The following ZNF682 variants were observed in gnomAD, a reference collection of about 807,000 sequenced individuals.
ZNF682 encodes zinc finger protein 682.
Under a neutral mutation model 36.5 loss-of-function variants are expected in ZNF682, and 29 were observed. The ratio of observed to expected loss-of-function variants is 0.80; its 90% CI spans 0.59 to 1.08. ZNF682 has a LOEUF of 1.08. ZNF682 is among the 50% of genes least tolerant of loss of function. The pLI is 0.00. For synonymous variants in ZNF682, 180 were observed against 197.0 expected, an observed-to-expected ratio of 0.91 and a Z score of 0.72; for missense variants, 561 against 579.7, an observed-to-expected ratio of 0.97 and a Z score of 0.33.
chr19:20,028,499 A>T (rs1568545874), intron 1 of ZNF682, among the ~76,000 whole-genome samples: 6 of 152,094 alleles, frequency 3.9e-5, no homozygotes, highest in Admixed American at 2.6e-4. Flanking sequence ...GGTGTGAGTC[A>T]CCGTGCCCAG....
intron 1 of ZNF682, among the ~76,000 whole-genome samples, chr19:20,029,328 C>T (rs184711759): frequency 5.3e-5 from 8 of 150,826 alleles, no homozygotes; most frequent in South Asian, 4.2e-4. Context: ...AGGCCAGGCA[C>T]GGTGGCTCAT....
rs1260508580 is a variant in ZNF682 at position 20,006,043 on chromosome 19, C to T, written c.1459G>A (p.Gly487Arg). ...TTTGAGCAGTGATTAAAAGCTTCCC[C>T]ACATTTTTTATACTTGCAGGATTTC... ...GEKSCKYKKC[G>R]EAFNHCSNLT... The change falls in exon 4 of 4, where the codon GGG becomes AGG. Residue 487 changes from glycine (G) to arginine (R), a missense_variant. Transcript: ENST00000397165. The T allele has an allele frequency of 1.2e-6, 2 of 1,606,080 alleles. No individual in the cohort carries two copies. The highest frequency in any genetic ancestry group is 1.7e-6 in the Non-Finnish European group (2 of 1,175,178).
intron 3 of ZNF682, among the ~76,000 whole-genome samples, chr19:19,998,919 T>C (rs1366947661): frequency 6.6e-6 from 1 of 152,142 alleles, no homozygotes; most frequent in Non-Finnish European, 1.5e-5. Flanking sequence ...ATATATAATC[T>C]TGAGAGTTAT....
rs1350713261 is a variant in ZNF682 at position 20,039,172 on chromosome 19, C to T, written c.3+171G>A. ...GCCCAGGGTCCCGGCTGCTGGCCCACCTCGCATCCTGTGCCCGGAGGTGAT... is the reference window on the plus strand; with the variant it reads ...GCCCAGGGTCCCGGCTGCTGGCCCATCTCGCATCCTGTGCCCGGAGGTGAT... On this transcript the variant is annotated intron_variant, in intron 1 of 3. Coordinates refer to ENST00000397165, the MANE Select transcript of ZNF682 (RefSeq NM_033196.3). 21 of 1,393,310 alleles carry T rather than the reference C, an allele frequency of 1.5e-5. No individual in the cohort carries two copies. The African/African-American group carries it at 2.2e-4, about 15-fold the overall frequency. The allele number at this position is 1,393,310 out of a possible 1,614,324, so 86.3% of individuals were successfully genotyped here.
intron 1 of ZNF682, among the ~76,000 whole-genome samples, chr19:20,036,803 TAAAAAAAAAAG>T (rs200878513): frequency 6.8e-5 from 2 of 29,558 alleles, no homozygotes; most frequent in African/African-American, 1.6e-4. Context: ...GCTGTCTCTA[TAAAAAAAAAAG>T]AAAAAAAAAA....
intron 2 of ZNF682, among the ~76,000 whole-genome samples, 180 bp downstream of exon 2, chr19:20,024,070 T>C (rs796169102): frequency 2.0e-5 from 3 of 152,274 alleles, no homozygotes; most frequent in East Asian, 3.9e-4. Context: ...AGAAAGTTAA[T>C]GTAAACATAA....
intron 3 of ZNF682, among the ~76,000 whole-genome samples, chr19:20,012,273 A>G (rs776844014): frequency 1.3e-5 from 2 of 152,186 alleles, no homozygotes; most frequent in Non-Finnish European, 2.9e-5. Flanking sequence ...CAAGAAAACC[A>G]TTCAATTAAT....
At chr19:20,019,529 A>T (rs1265120727) in intron 3 of ZNF682, among the ~76,000 whole-genome samples, 1 of 152,180 alleles carries the variant, frequency 6.6e-6, no homozygotes, top group African/African-American at 2.4e-5. Context: ...ATAGAAGGAA[A>T]CTTACAGGAT....
intron 1 of ZNF682, chr19:20,030,592 T>C (rs188634210): frequency 6.6e-6 from 1 of 151,942 alleles, no homozygotes; most frequent in Non-Finnish European, 1.5e-5. Context: ...AAAGAAAAAA[T>C]AACTATAATA....
At chr19:20,022,460 G>A (rs1481406533) in intron 3 of ZNF682, among the ~76,000 whole-genome samples, 2 of 151,926 alleles carry the variant, frequency 1.3e-5, no homozygotes, top group Admixed American at 6.6e-5. Flanking sequence ...CTGAGGTCGT[G>A]GGTTCAAGAC....
chr19:20,039,156 C>G, intron 1 of ZNF682, 187 bp downstream of exon 1: 1 of 1,400,492 alleles, frequency 7.1e-7, no homozygotes, highest in African/African-American at 1.5e-5. Context: ...CGCCCAGGGT[C>G]CCGGCTGCTG....
chr19:20,019,313 A>C lies in ZNF682; in HGVS notation c.226+3691T>G, dbSNP rs1433497140. Among the ~76,000 whole-genome samples, 4 of 152,196 alleles carry C rather than the reference A, an allele frequency of 2.6e-5. No homozygotes were observed. The East Asian group carries it at 7.7e-4, about 29-fold the overall frequency. On this transcript the variant is annotated intron_variant, in intron 3 of 3. Coordinates refer to ENST00000397165, the MANE Select transcript of ZNF682 (RefSeq NM_033196.3). Reference sequence around the variant, plus strand: ...AGCCACTGGTAGGCAAAAATGATGCAACTACTGTAAAAAACATACTATGAA... The same window carrying C: ...AGCCACTGGTAGGCAAAAATGATGCCACTACTGTAAAAAACATACTATGAA...
At chr19:20,028,482 G>A (rs2088451864) in intron 1 of ZNF682, among the ~76,000 whole-genome samples, 1 of 152,142 alleles carries the variant, frequency 6.6e-6, no homozygotes, top group South Asian at 2.1e-4. Flanking sequence ...AAAGTGCTGG[G>A]ATTACAGGTG....
In ZNF682 at chr19:20,026,510, G is replaced by A. The variant is rs552684103; in HGVS notation, c.4-2134C>T. ...TGAGACAGTCTCACTCTATCGCCCA[G>A]GCTGGAGTGCAGTGAGTGGCATGAT... On this transcript the variant is annotated intron_variant, in intron 1 of 3. Transcript: ENST00000397165. Among the ~76,000 whole-genome samples, 9 of 152,078 alleles carry A rather than the reference G, an allele frequency of 5.9e-5. No homozygotes were observed. The East Asian group carries it at 1.7e-3, about 30-fold the overall frequency.
chr19:20,017,712 G>A (rs1392199289), intron 3 of ZNF682, among the ~76,000 whole-genome samples: 1 of 152,084 alleles, frequency 6.6e-6, no homozygotes, highest in Admixed American at 6.6e-5. Context: ...TTAGACCTAA[G>A]AGACACATAC....
In ZNF682 at chr19:20,028,196, A is replaced by G. The variant is rs140028929; in HGVS notation, c.4-3820T>C. On this transcript the variant is annotated intron_variant, in intron 1 of 3. Transcript: ENST00000397165. ...AATCATCTGGTATTTCAAGCCCCAG[A>G]CTAATTTGATTCTGCAGGTTTGTTT... 3.1e-3 allele frequency among the ~76,000 whole-genome samples: 404 copies of G among 129,082 alleles called. 2 individuals are homozygous for G. The highest frequency in any genetic ancestry group is 0.011 in the African/African-American group (393 of 34,952). The allele number at this position is 129,082 out of a possible 152,430, so 84.7% of individuals were successfully genotyped here.
intron 3 of ZNF682, among the ~76,000 whole-genome samples, chr19:20,013,143 A>G (rs2088305061): frequency 6.6e-6 from 1 of 152,168 alleles, no homozygotes; most frequent in Non-Finnish European, 1.5e-5. Context: ...ATGTTAACCA[A>G]ATGAGAAGAA....
chr19:20,027,566 G>A (rs1401040052), intron 1 of ZNF682, among the ~76,000 whole-genome samples: 2 of 152,120 alleles, frequency 1.3e-5, no homozygotes, highest in East Asian at 3.9e-4. Flanking sequence ...TTGTGACCAG[G>A]CTGACCAACA....
chr19:20,026,554 C>T (rs930562116), intron 1 of ZNF682, among the ~76,000 whole-genome samples: 4 of 152,106 alleles, frequency 2.6e-5, no homozygotes, highest in East Asian at 1.9e-4. Flanking sequence ...ACTGCAACCT[C>T]GCCTCCTGGG....
Sources: gnomAD v4.1 joint callset for allele counts (sites outside exome capture counted in the v4.1 genomes callset) on GRCh38, gnomAD v4.1.1 for gene constraint, MANE v1.5 for transcripts, NCBI Gene and HGNC (gene_info 2026-07-23, HGNC 2026-07-21) for gene names.